Variants in FBXO31 observed in about 807,000 individuals in gnomAD.
The protein encoded by FBXO31 is F-box protein 31, also known as F-box only protein 31.
FBXO31 carries 24 observed loss-of-function variants against 54.4 expected under a neutral mutation model. The observed-to-expected ratio is 0.44, with a 90% CI of 0.32 to 0.62. The LOEUF (loss-of-function observed/expected upper bound fraction) is 0.62. Among genes scored for constraint, FBXO31 ranks in the 20% least tolerant of loss-of-function variants. FBXO31 has a pLI of 0.05. For synonymous variants in FBXO31, 388 were observed against 335.6 expected, an observed-to-expected ratio of 1.16 and a Z score of -1.71; for missense variants, 665 against 787.1, an observed-to-expected ratio of 0.84 and a Z score of 1.86.
In FBXO31 at chr16:87,338,466, C is replaced by T. The variant is rs535147952; in HGVS notation, c.733-2202G>A. Among the ~76,000 whole-genome samples the T allele has an allele frequency of 1.9e-4, 14 of 73,962 alleles. No homozygotes were observed. The East Asian group carries it at 2.3e-3, about 12-fold the overall frequency. The allele number at this position is 73,962 out of a possible 152,430, so 48.5% of individuals were successfully genotyped here. On this transcript the variant is annotated intron_variant, in intron 5 of 8. Coordinates refer to ENST00000311635, the MANE Select transcript of FBXO31 (RefSeq NM_024735.5). The surrounding 1 kb of genome is among the most constrained non-coding windows in gnomAD (Gnocchi z 4.3). ...ATTTCCAAAAGCCTCAGTCTTGGGG[C>T]GGGGGAGGCGGGCCTGAAACACACA...
chr16:87,383,745 G>T lies in FBXO31; in HGVS notation c.-1C>A, dbSNP rs1038838345. The T allele has an allele frequency of 8.3e-7, 1 of 1,210,362 alleles. No homozygotes were observed. Among genetic ancestry groups the T allele is most frequent in the South Asian group, 3.8e-5 (1 of 26,650 alleles). The allele number at this position is 1,210,362 out of a possible 1,614,324, so 75.0% of individuals were successfully genotyped here. ...CGCAAAGGCGAGCACACACCGCCAT[G>T]CCGCCCAGTGACGGCCACTGCTGCC... On this transcript the variant is annotated 5_prime_UTR_variant, in exon 1 of 9. Transcript: ENST00000311635. This position sits in a 1 kb window ranked among gnomAD's most constrained non-coding sequence, Gnocchi z 4.9.
At chr16:87,384,723 G>A (rs533087672), upstream of FBXO31, among the ~76,000 whole-genome samples, 1 of 152,350 alleles carries the variant, frequency 6.6e-6, no homozygotes, top group African/African-American at 2.4e-5. Context: ...AATACAGCGA[G>A]ACCCTGTCTA....
chr16:87,364,380 G>T (rs569940512), intron 1 of FBXO31, among the ~76,000 whole-genome samples: 18 of 152,352 alleles, frequency 1.2e-4, no homozygotes, highest in African/African-American at 4.3e-4. Context: ...GCAGCAGCCA[G>T]CAGGCCCTGG....
In FBXO31 at chr16:87,336,146, C is replaced by T. The variant is rs1164668584; in HGVS notation, c.842+9G>A. On this transcript the variant is annotated intron_variant, in intron 6 of 8. Coordinates refer to ENST00000311635, the MANE Select transcript of FBXO31 (RefSeq NM_024735.5). The surrounding 1 kb of genome is among the most constrained non-coding windows in gnomAD (Gnocchi z 6.5). ...GGCTACCCCAGCACCGAGCAGGAGC[C>T]GCACTCACTCGTACTGACTGGTGTA... 16 of 1,610,554 alleles carry T rather than the reference C, an allele frequency of 9.9e-6. No individual in the cohort carries two copies. Among genetic ancestry groups the T allele is most frequent in the Non-Finnish European group, 1.3e-5 (15 of 1,176,796 alleles).
intron 1 of FBXO31, chr16:87,362,421 C>G (rs1906175999): frequency 6.6e-6 from 1 of 151,636 alleles, no homozygotes; most frequent in Non-Finnish European, 1.5e-5. Flanking sequence ...GTCTCATGTC[C>G]CACTATGTTG....
chr16:87,392,042 C>G (rs1472826124), upstream of FBXO31: 2 of 192,952 alleles, frequency 1.0e-5, no homozygotes. Flanking sequence ...GGCTCCCGAG[C>G]GCCCACAGAC....
chr16:87,348,541 C>T (rs542699535), intron 2 of FBXO31, among the ~76,000 whole-genome samples: 84 of 152,202 alleles, frequency 5.5e-4, no homozygotes, highest in East Asian at 2.3e-3. Context: ...AAGGGGTGAC[C>T]GGGTAGAGAC....
intron 1 of FBXO31, among the ~76,000 whole-genome samples, chr16:87,380,618 G>C (rs1567491046): frequency 1.3e-5 from 2 of 152,096 alleles, no homozygotes; most frequent in Admixed American, 6.5e-5. Flanking sequence ...GAACTCCTGG[G>C]CTCAAGTGAT....
In FBXO31 at chr16:87,383,221, G is replaced by A. The variant is rs1907161511; in HGVS notation, c.340+184C>T. ...CCCTAACCGCCTCAAATACCTCCCT[G>A]GCCCCCTCAACGTGGTGTCACCGCG... On this transcript the variant is annotated intron_variant, in intron 1 of 8. Coordinates refer to ENST00000311635, the MANE Select transcript of FBXO31 (RefSeq NM_024735.5). This position sits in a 1 kb window ranked among gnomAD's most constrained non-coding sequence, Gnocchi z 4.9. Among the ~76,000 whole-genome samples, 1 of 151,320 alleles carries A rather than the reference G, an allele frequency of 6.6e-6. No individual in the cohort carries two copies. Among genetic ancestry groups the A allele is most frequent in the Admixed American group, 6.6e-5 (1 of 15,200 alleles).
At chr16:87,357,176 T>TC (rs775451294) in intron 2 of FBXO31, among the ~76,000 whole-genome samples, 9 of 151,572 alleles carry the variant, frequency 5.9e-5, no homozygotes, top group Non-Finnish European at 1.3e-4. Flanking sequence ...GCCCAGGAGT[T>TC]CAAGGATACA....
intron 1 of FBXO31, among the ~76,000 whole-genome samples, chr16:87,378,975 A>C (rs1272694728): frequency 1.3e-5 from 2 of 152,002 alleles, no homozygotes; most frequent in East Asian, 1.9e-4. Context: ...AAAAAAAAAA[A>C]ACAAAATATA....
At chr16:87,377,147 A>T (rs1258737643) in intron 1 of FBXO31, among the ~76,000 whole-genome samples, 4 of 152,254 alleles carry the variant, frequency 2.6e-5, no homozygotes. Flanking sequence ...AATTTTGATT[A>T]AAGTTGGAAA....
chr16:87,380,484 C>T (rs1907030022), intron 1 of FBXO31, among the ~76,000 whole-genome samples: 6 of 152,044 alleles, frequency 3.9e-5, no homozygotes, highest in Admixed American at 3.3e-4. Flanking sequence ...TCACTGCAGC[C>T]TCGACCGCCT....
In FBXO31 at chr16:87,335,174, G is replaced by T; in HGVS notation, c.996+130C>A. 2 of 1,316,140 alleles carry T rather than the reference G, an allele frequency of 1.5e-6. No individual in the cohort carries two copies. The highest frequency in any genetic ancestry group is 2.1e-6 in the Non-Finnish European group (2 of 938,070). The allele number at this position is 1,316,140 out of a possible 1,614,324, so 81.5% of individuals were successfully genotyped here. ...GAATCTGCTTTCCCAAGCTCCCGGG[G>T]CTGCAGGTGCAAGCCCACTCTGAGG... On this transcript the variant is annotated intron_variant, in intron 7 of 8. Transcript: ENST00000311635. This position sits in a 1 kb window ranked among gnomAD's most constrained non-coding sequence, Gnocchi z 5.7.
At chr16:87,352,005 C>T (rs1401537690) in intron 2 of FBXO31, among the ~76,000 whole-genome samples, 1 of 152,200 alleles carries the variant, frequency 6.6e-6, no homozygotes, top group African/African-American at 2.4e-5. Context: ...TCCACAGCAG[C>T]CAAGTCAATC....
At position 87,346,341 on chromosome 16, in the gene FBXO31, G is replaced by A. The variant is rs1446620308; in HGVS notation, c.489+833C>T. Among the ~76,000 whole-genome samples, 1 of 152,196 alleles carries A rather than the reference G, an allele frequency of 6.6e-6. No individual in the cohort carries two copies. Among genetic ancestry groups the A allele is most frequent in the African/African-American group, 2.4e-5 (1 of 41,438 alleles). On this transcript the variant is annotated intron_variant, in intron 3 of 8. Coordinates refer to ENST00000311635, the MANE Select transcript of FBXO31 (RefSeq NM_024735.5). This position sits in a 1 kb window ranked among gnomAD's most constrained non-coding sequence, Gnocchi z 4.2. Reference sequence around the variant, plus strand: ...GTGAGGGGTGGGGGGCATCCAACACGCCTGGAGATCAGGAGAAAAGGCGGG... The same window carrying A: ...GTGAGGGGTGGGGGGCATCCAACACACCTGGAGATCAGGAGAAAAGGCGGG...
intron 2 of FBXO31, among the ~76,000 whole-genome samples, chr16:87,356,486 C>A (rs2150683375): frequency 6.6e-6 from 1 of 152,180 alleles, no homozygotes; most frequent in Middle Eastern, 3.4e-3. Flanking sequence ...CCACAGACTC[C>A]TGAGAGGTCC....
At chr16:87,354,524 C>A (rs1437843720) in intron 2 of FBXO31, among the ~76,000 whole-genome samples, 1 of 151,912 alleles carries the variant, frequency 6.6e-6, no homozygotes, top group Non-Finnish European at 1.5e-5. Context: ...TGCAGAGAAG[C>A]AGATGTATCA....
chr16:87,380,384 C>A lies in FBXO31; in HGVS notation c.340+3021G>T, dbSNP rs140708095. Among the ~76,000 whole-genome samples, 599 of 151,608 alleles carry A rather than the reference C, an allele frequency of 4.0e-3. 1 individual carries two copies. Among genetic ancestry groups the A allele is most frequent in the African/African-American group, 0.014 (567 of 41,348 alleles). Reference sequence around the variant, plus strand: ...TTATTGGGGATGGCCGGAAATATGCCTGGTTCATCATTTTTGTTTTTCATG... The same window carrying A: ...TTATTGGGGATGGCCGGAAATATGCATGGTTCATCATTTTTGTTTTTCATG... On this transcript the variant is annotated intron_variant, in intron 1 of 8. Coordinates refer to ENST00000311635, the MANE Select transcript of FBXO31 (RefSeq NM_024735.5).
Sources: allele counts gnomAD v4.1 joint callset (sites outside exome capture counted in the v4.1 genomes callset), GRCh38; gene constraint gnomAD v4.1.1; non-coding constraint Gnocchi (gnomAD v3.1); transcripts MANE v1.5; gene names NCBI Gene and HGNC (gene_info 2026-07-23, HGNC 2026-07-21).